The following GABBR2 variants were observed in gnomAD, a reference collection of about 807,000 sequenced individuals.
GABBR2 encodes G-protein coupled receptor 51.
A neutral mutation model predicts 105.6 loss-of-function variants in GABBR2; 23 were observed. The observed-to-expected ratio is 0.22, with a 90% CI of 0.16 to 0.31. GABBR2 has a LOEUF of 0.31. Among genes scored for constraint, GABBR2 ranks in the 10% least tolerant of loss-of-function variants. The pLI is 1.00. For missense variants in GABBR2, 734 were observed against 1,245.5 expected (o/e 0.59, Z 6.18); for synonymous variants, 478 against 499.7 (o/e 0.96, Z 0.58).
intron 4 of GABBR2, among the ~76,000 whole-genome samples, chr9:98,486,251 G>A (rs188317706): frequency 1.3e-5 from 2 of 152,188 alleles, no homozygotes; most frequent in African/African-American, 4.8e-5. Flanking sequence ...CCTATCTACC[G>A]CCTCCCAGTT....
Position 98,394,059 on chromosome 9 carries a change from T to A in GABBR2, c.1378+116A>T, listed in dbSNP as rs1200593261. On this transcript the variant is annotated intron_variant, in intron 9 of 18. Coordinates refer to ENST00000259455, the MANE Select transcript of GABBR2 (RefSeq NM_005458.8). ...AACGATTGAGTGCATGTGTTGAGGA[T>A]GTTCCCTTGACCCCCTGAAGCCAAG... 4 of 719,076 alleles carry A rather than the reference T, an allele frequency of 5.6e-6. No homozygotes were observed. The East Asian group carries it at 7.5e-5, about 13-fold the overall frequency. 44.5% of individuals were successfully genotyped at this position (719,076 alleles called of 1,614,324 possible). A position where few individuals can be genotyped will look rare whatever the true frequency, so the allele number is the denominator to read the frequency against.
chr9:98,393,065 TCCA>T (rs1832216801), intron 9 of GABBR2, among the ~76,000 whole-genome samples: 2 of 126,710 alleles, frequency 1.6e-5, no homozygotes, highest in Admixed American at 1.6e-4. Context: ...CATCCATCCA[TCCA>T]TCCACACACC....
chr9:98,692,351 C>T (rs150872544), intron 1 of GABBR2, among the ~76,000 whole-genome samples: 181 of 152,266 alleles, frequency 1.2e-3, no homozygotes, highest in African/African-American at 4.0e-3. Flanking sequence ...GGATATTAGT[C>T]CACCCAACAT....
At chr9:98,668,996 T>C (rs1441332492) in intron 1 of GABBR2, among the ~76,000 whole-genome samples, 2 of 152,106 alleles carry the variant, frequency 1.3e-5, no homozygotes, top group Non-Finnish European at 2.9e-5. Flanking sequence ...TGAATAATGC[T>C]GCTATGAACA....
intron 9 of GABBR2, among the ~76,000 whole-genome samples, chr9:98,391,877 G>A (rs1209567556): frequency 6.6e-6 from 1 of 152,176 alleles, no homozygotes; most frequent in East Asian, 1.9e-4. Flanking sequence ...GACAGCAAGG[G>A]CACTTTGGCT....
chr9:98,702,477 T>TCA (rs567451237), intron 1 of GABBR2, among the ~76,000 whole-genome samples: 56 of 152,260 alleles, frequency 3.7e-4, no homozygotes, highest in African/African-American at 1.2e-3. Context: ...CTCTACATGC[T>TCA]CACCAGCCTT....
At chr9:98,385,568 T>C in intron 11 of GABBR2, 72 bp downstream of exon 11, 1 of 1,247,908 alleles carries the variant, frequency 8.0e-7, no homozygotes, top group Non-Finnish European at 1.2e-6. Flanking sequence ...GGTTTGCATC[T>C]GTGTTTTCGA....
At chr9:98,507,872 C>T (rs1024894923) in intron 3 of GABBR2, among the ~76,000 whole-genome samples, 1 of 152,216 alleles carries the variant, frequency 6.6e-6, no homozygotes, top group Admixed American at 6.5e-5. Flanking sequence ...CAGGTCCAAG[C>T]ACCTTTCTTG....
chr9:98,622,185 G>C (rs1282848197), intron 1 of GABBR2, among the ~76,000 whole-genome samples: 3 of 151,874 alleles, frequency 2.0e-5, no homozygotes, highest in Admixed American at 6.6e-5. Flanking sequence ...TGTTTTTTGA[G>C]ACAGGGTCTT....
chr9:98,317,288 C>T (rs914112993), intron 13 of GABBR2, among the ~76,000 whole-genome samples: 4 of 152,240 alleles, frequency 2.6e-5, no homozygotes, highest in African/African-American at 7.2e-5. Context: ...GCAGGAGGCA[C>T]GCAGAAGCTG....
intron 3 of GABBR2, among the ~76,000 whole-genome samples, chr9:98,503,854 T>C (rs940025382): frequency 6.6e-6 from 1 of 152,116 alleles, no homozygotes; most frequent in Non-Finnish European, 1.5e-5. Context: ...TTTTAGAAAC[T>C]GCTGATGCCC....
At chr9:98,365,795 C>A (rs1831665553) in intron 12 of GABBR2, among the ~76,000 whole-genome samples, 1 of 147,370 alleles carries the variant, frequency 6.8e-6, no homozygotes, top group Non-Finnish European at 1.5e-5. Flanking sequence ...TTAAAATAAT[C>A]TTAAATAATG....
intron 7 of GABBR2, among the ~76,000 whole-genome samples, chr9:98,425,753 C>T (rs557018135): frequency 1.3e-5 from 2 of 152,252 alleles, no homozygotes; most frequent in South Asian, 2.1e-4. Context: ...AGCTGGGATC[C>T]GAGCTCAGGT....
intron 1 of GABBR2, among the ~76,000 whole-genome samples, chr9:98,585,513 G>T: frequency 8.0e-6 from 1 of 125,178 alleles, no homozygotes; most frequent in East Asian, 2.8e-4. Flanking sequence ...AGTGGGGAGG[G>T]ATAGCATTAG....
chr9:98,550,058 A>G (rs1399339461), intron 2 of GABBR2, among the ~76,000 whole-genome samples: 6 of 152,210 alleles, frequency 3.9e-5, no homozygotes, highest in Non-Finnish European at 7.3e-5. Flanking sequence ...TTCATCCTGG[A>G]GCGTCAAGAT....
chr9:98,591,375 CG>C (rs1458149592), intron 1 of GABBR2, among the ~76,000 whole-genome samples: 1 of 152,100 alleles, frequency 6.6e-6, no homozygotes, highest in Non-Finnish European at 1.5e-5. Context: ...GCCAGTGCGT[CG>C]GGAACACTGA....
intron 1 of GABBR2, among the ~76,000 whole-genome samples, chr9:98,609,058 A>G (rs1272339673): frequency 6.6e-6 from 1 of 152,198 alleles, no homozygotes; most frequent in African/African-American, 2.4e-5. Flanking sequence ...ACCATTCTGC[A>G]TTTAGCTGTA....
intron 13 of GABBR2, among the ~76,000 whole-genome samples, chr9:98,335,664 TCAACAA>T (rs3837262): frequency 3.3e-5 from 5 of 151,436 alleles, no homozygotes; most frequent in East Asian, 1.9e-4. Context: ...TTGAAATCAT[TCAACAA>T]CAACAACAAC....
intron 7 of GABBR2, among the ~76,000 whole-genome samples, chr9:98,442,733 G>A (rs1040881972): frequency 1.3e-5 from 2 of 152,156 alleles, no homozygotes. Flanking sequence ...TGTTGGCAAG[G>A]CCACTTCCTT....
Sources: gnomAD v4.1 joint callset for allele counts (sites outside exome capture counted in the v4.1 genomes callset) on GRCh38, gnomAD v4.1.1 for gene constraint, MANE v1.5 for transcripts, NCBI Gene and HGNC (gene_info 2026-07-23, HGNC 2026-07-21) for gene names.